TAOK3: variants seen among roughly 807,000 people sequenced by gnomAD.
The protein encoded by TAOK3 is serine/threonine-protein kinase TAO3.
Under a neutral mutation model 120.4 loss-of-function variants are expected in TAOK3, and 40 were observed. That is an observed-to-expected ratio of 0.33 (90% CI 0.26 to 0.43). The LOEUF is 0.43. Ranked by LOEUF, TAOK3 falls within the 20% of genes least tolerant of loss-of-function variation. TAOK3 has a pLI of 1.00. For missense variants in TAOK3, 821 were observed against 1,112.1 expected (o/e 0.74, Z 3.72); for synonymous variants, 355 against 387.5 (o/e 0.92, Z 0.99).
chr12:118,322,659 A>G (rs1199547045), intron 1 of TAOK3, among the ~76,000 whole-genome samples: 4 of 150,170 alleles, frequency 2.7e-5, no homozygotes, highest in Admixed American at 6.7e-5. Context: ...TAATTTTCCC[A>G]TGTCAAGAAC....
chr12:118,197,166 G>A (rs2037772488), intron 13 of TAOK3, among the ~76,000 whole-genome samples: 1 of 151,888 alleles, frequency 6.6e-6, no homozygotes, highest in African/African-American at 2.4e-5. Flanking sequence ...TCTATTTTTT[G>A]AGCTCACTTA....
At chr12:118,267,882 CT>C (rs1279011453) in intron 1 of TAOK3, among the ~76,000 whole-genome samples, 1 of 112,404 alleles carries the variant, frequency 8.9e-6, no homozygotes, top group Non-Finnish European at 1.9e-5. Context: ...GAGACTCCAT[CT>C]CAAAAAAAAA....
At chr12:118,288,130 T>C (rs778840981) in intron 1 of TAOK3, among the ~76,000 whole-genome samples, 1 of 151,992 alleles carries the variant, frequency 6.6e-6, no homozygotes, top group African/African-American at 2.4e-5. Context: ...GTTTCTACTT[T>C]GTTGCCCTGA....
intron 1 of TAOK3, among the ~76,000 whole-genome samples, chr12:118,300,682 C>T (rs1231082833): frequency 1.3e-5 from 2 of 152,252 alleles, no homozygotes; most frequent in East Asian, 1.9e-4. Context: ...TGTTCCTCAA[C>T]AGTTGTATGT....
intron 3 of TAOK3, among the ~76,000 whole-genome samples, chr12:118,252,517 G>A (rs966181859): frequency 3.9e-5 from 6 of 151,966 alleles, no homozygotes; most frequent in African/African-American, 1.4e-4. Flanking sequence ...TTTACACAGA[G>A]ATTTACCTTT....
intron 3 of TAOK3, among the ~76,000 whole-genome samples, chr12:118,247,758 G>A (rs982798774): frequency 5.3e-5 from 8 of 152,016 alleles, no homozygotes; most frequent in Admixed American, 2.0e-4. Context: ...CAAGTAATCC[G>A]CCCGCATCAG....
intron 1 of TAOK3, among the ~76,000 whole-genome samples, chr12:118,352,604 GTCT>G (rs1199519668): frequency 1.3e-5 from 2 of 151,998 alleles, no homozygotes; most frequent in Admixed American, 1.3e-4. Flanking sequence ...TTACAAAACT[GTCT>G]TCATTTGTCT....
intron 13 of TAOK3, among the ~76,000 whole-genome samples, chr12:118,192,259 G>C (rs1408674657): frequency 2.0e-5 from 3 of 152,104 alleles, no homozygotes. Context: ...ATTGATTTTA[G>C]TTGACACATA....
chr12:118,271,796 A>G (rs1319168633), intron 1 of TAOK3, among the ~76,000 whole-genome samples: 2 of 152,224 alleles, frequency 1.3e-5, no homozygotes, highest in South Asian at 2.1e-4. Context: ...TAAAATGACC[A>G]TTCAAATTAA....
intron 1 of TAOK3, among the ~76,000 whole-genome samples, chr12:118,304,387 C>T (rs911935024): frequency 1.2e-4 from 19 of 152,034 alleles, no homozygotes; most frequent in Non-Finnish European, 2.2e-4. Context: ...TGAACTAGGC[C>T]GACTACAAAA....
intron 1 of TAOK3, among the ~76,000 whole-genome samples, chr12:118,281,923 C>A (rs943759128): frequency 2.0e-5 from 3 of 152,002 alleles, no homozygotes; most frequent in African/African-American, 7.2e-5. Flanking sequence ...CATGTAACAA[C>A]TAATGTGATA....
intron 16 of TAOK3, 45 bp downstream of exon 16, chr12:118,177,156 C>T: frequency 6.3e-7 from 1 of 1,596,184 alleles, no homozygotes; most frequent in Non-Finnish European, 8.6e-7. Context: ...TAAGTTCCAA[C>T]CATTCTAATG....
At chr12:118,281,104 A>G (rs1336591781) in intron 1 of TAOK3, among the ~76,000 whole-genome samples, 2 of 152,232 alleles carry the variant, frequency 1.3e-5, no homozygotes, top group African/African-American at 4.8e-5. Context: ...GGCAGAGGCT[A>G]TGCGGTTTTC....
In TAOK3 at chr12:118,369,935, C is replaced by T. The variant is rs567370041; in HGVS notation, c.-194+2713G>A. Reference sequence around the variant, plus strand: ...CTGTCGCCAGGCTGGAGTGCAGTGGCGCGATCTTGGCTCACTGCAACCTCT... The same window carrying T: ...CTGTCGCCAGGCTGGAGTGCAGTGGTGCGATCTTGGCTCACTGCAACCTCT... On this transcript the variant is annotated intron_variant, in intron 1 of 20. Transcript: ENST00000392533. Among the ~76,000 whole-genome samples the T allele has an allele frequency of 4.6e-5, 7 of 152,186 alleles. No individual in the cohort carries two copies. In the South Asian group the frequency reaches 8.3e-4, roughly 18 times the overall value.
chr12:118,177,558 T>C (rs1006264242), intron 15 of TAOK3, among the ~76,000 whole-genome samples: 8 of 151,098 alleles, frequency 5.3e-5, no homozygotes, highest in African/African-American at 1.9e-4. Flanking sequence ...GTGCAGTGGC[T>C]CATACCTGTA....
chr12:118,278,547 A>G (rs1593388625), intron 1 of TAOK3, among the ~76,000 whole-genome samples: 1 of 152,274 alleles, frequency 6.6e-6, no homozygotes, highest in South Asian at 2.1e-4. Context: ...TCCACCGCTG[A>G]TGGGCATTTA....
At chr12:118,180,615 G>A (rs1424895141) in intron 15 of TAOK3, among the ~76,000 whole-genome samples, 3 of 152,094 alleles carry the variant, frequency 2.0e-5, no homozygotes, top group African/African-American at 2.4e-5. Flanking sequence ...AATAATTGCC[G>A]GACTCATTAT....
rs1377918249 is a variant in TAOK3, at chr12:118,308,332, A to AC, written c.-193-41574dup. On this transcript the variant is annotated intron_variant, in intron 1 of 20. Coordinates refer to ENST00000392533, the MANE Select transcript of TAOK3 (RefSeq NM_016281.4). Reference sequence around the variant, plus strand: ...TAACCATAAAACTGGGCAACCAGCAACCCCCCGGGGCTGCTCTGTCTGTGG... The same window carrying AC: ...TAACCATAAAACTGGGCAACCAGCAACCCCCCCGGGGCTGCTCTGTCTGTGG... Among the ~76,000 whole-genome samples the AC allele has an allele frequency of 2.0e-5, 3 of 150,926 alleles. No homozygotes were observed. The East Asian group carries it at 5.8e-4, about 29-fold the overall frequency.
chr12:118,294,518 G>A (rs1008041505), intron 1 of TAOK3, among the ~76,000 whole-genome samples: 6 of 151,776 alleles, frequency 4.0e-5, no homozygotes, highest in East Asian at 1.9e-4. Context: ...CTAGTTGCTC[G>A]GACTACAGGT....
Sources: gnomAD v4.1 joint callset for allele counts (sites outside exome capture counted in the v4.1 genomes callset) on GRCh38, gnomAD v4.1.1 for gene constraint, MANE v1.5 for transcripts, NCBI Gene and HGNC (gene_info 2026-07-23, HGNC 2026-07-21) for gene names.